TDRD9: variants seen among roughly 807,000 people sequenced by gnomAD.
The protein encoded by TDRD9 is tudor domain containing 9.
TDRD9 carries 124 observed loss-of-function variants against 172.6 expected under a neutral mutation model. The observed-to-expected ratio is 0.72, with a 90% CI of 0.62 to 0.83. The LOEUF (loss-of-function observed/expected upper bound fraction) is 0.83. Among genes scored for constraint, TDRD9 ranks in the 40% least tolerant of loss-of-function variants. TDRD9 has a pLI of 0.00. For missense variants in TDRD9, 1,479 were observed against 1,714.1 expected, an observed-to-expected ratio of 0.86 and a Z score of 2.42; for synonymous variants, 619 against 617.1, an observed-to-expected ratio of 1.00 and a Z score of -0.05.
intron 7 of TDRD9, among the ~76,000 whole-genome samples, chr14:103,979,874 T>C (rs1239537244): frequency 6.7e-6 from 1 of 150,356 alleles, no homozygotes; most frequent in African/African-American, 2.4e-5. Flanking sequence ...ATTTTCTGAC[T>C]CTTTTTTTTT....
At chr14:103,935,950 T>C (rs1405421837) in intron 1 of TDRD9, among the ~76,000 whole-genome samples, 3 of 152,136 alleles carry the variant, frequency 2.0e-5, no homozygotes, top group African/African-American at 7.2e-5. Context: ...TTTGAATGAA[T>C]GACCTAGGAG....
rs200021451 is a variant in TDRD9, at chr14:104,002,317, CAAA to C, written c.1484-1903_1484-1901del. Among the ~76,000 whole-genome samples the C allele has an allele frequency of 2.1e-3, 276 of 128,764 alleles. 1 individual carries two copies. The highest frequency in any genetic ancestry group is 7.6e-3 in the African/African-American group (268 of 35,042). The allele number at this position is 128,764 out of a possible 152,430, so 84.5% of individuals were successfully genotyped here. A position where few individuals can be genotyped will look rare whatever the true frequency, so the allele number is the denominator to read the frequency against. On this transcript the variant is annotated intron_variant, in intron 13 of 35. Coordinates refer to ENST00000409874, the MANE Select transcript of TDRD9 (RefSeq NM_153046.3). ...TGGGTGACAGAGTGAGATGCTGTTT[CAAA>C]AAAAAAAAAAAAAAAAAGAAAAAAA...
chr14:103,982,873 C>T (rs1034366306), intron 7 of TDRD9, among the ~76,000 whole-genome samples: 4 of 152,068 alleles, frequency 2.6e-5, no homozygotes, highest in Admixed American at 2.6e-4. Context: ...TGCACTCCAG[C>T]CTGGACAACA....
intron 7 of TDRD9, among the ~76,000 whole-genome samples, chr14:103,981,606 A>G (rs1234031030): frequency 6.6e-6 from 1 of 152,222 alleles, no homozygotes; most frequent in East Asian, 1.9e-4. Context: ...TTATGCCCTG[A>G]TAAAACCATT....
intron 30 of TDRD9, among the ~76,000 whole-genome samples, chr14:104,032,395 C>T (rs146863702): frequency 0.031 from 4,673 of 152,112 alleles, 154 homozygotes; most frequent in African/African-American, 0.083. Flanking sequence ...TTAGTACAGA[C>T]GGGGTTTCAC....
At chr14:103,930,400 C>G (rs1374017202) in intron 1 of TDRD9, among the ~76,000 whole-genome samples, 1 of 152,078 alleles carries the variant, frequency 6.6e-6, no homozygotes, top group Admixed American at 6.6e-5. Flanking sequence ...TTGGCCAGGT[C>G]GGTCTGACCT....
rs979961735 is a variant in TDRD9, at chr14:103,928,503, C to A, written c.-7C>A. The A allele has an allele frequency of 2.8e-6, 4 of 1,429,038 alleles. No homozygotes were observed. The African/African-American group carries it at 4.5e-5, about 16-fold the overall frequency. The allele number at this position is 1,429,038 out of a possible 1,614,324, so 88.5% of individuals were successfully genotyped here. A position where few individuals can be genotyped will look rare whatever the true frequency, so the allele number is the denominator to read the frequency against. On this transcript the variant is annotated 5_prime_UTR_variant, in exon 1 of 36. Transcript: ENST00000409874. Reference sequence around the variant, plus strand: ...AGTTGGGGGATGCCGACGCCTGGGCCTTGAGGATGCTGCGGAAGCTCACCA... The same window carrying A: ...AGTTGGGGGATGCCGACGCCTGGGCATTGAGGATGCTGCGGAAGCTCACCA...
At chr14:103,947,352 T>C (rs2031620656) in intron 1 of TDRD9, among the ~76,000 whole-genome samples, 1 of 152,008 alleles carries the variant, frequency 6.6e-6, no homozygotes, top group Non-Finnish European at 1.5e-5. Context: ...TTTTTTTAGA[T>C]GGAGTCTCTC....
Position 104,014,845 on chromosome 14 carries a change from T to C in TDRD9, c.2223+4T>C. ...TAAGCAGCGATTCATCCTACAGGTG[T>C]GCTGAAGTTTCCTGGATATTTTTTT... On this transcript the variant is annotated splice_donor_region_variant and intron_variant, in intron 21 of 35. Coordinates refer to ENST00000409874, the MANE Select transcript of TDRD9 (RefSeq NM_153046.3). The C allele has an allele frequency of 6.5e-7, 1 of 1,532,514 alleles. No homozygotes were observed. The allele number at this position is 1,532,514 out of a possible 1,614,324, so 94.9% of individuals were successfully genotyped here.
chr14:103,935,055 G>C (rs2152115568), intron 1 of TDRD9, among the ~76,000 whole-genome samples: 1 of 152,322 alleles, frequency 6.6e-6, no homozygotes, highest in Middle Eastern at 3.4e-3. Flanking sequence ...TGACCAAGAA[G>C]AAACTGTGTC....
chr14:104,024,190 A>G (rs2035045789), intron 24 of TDRD9, among the ~76,000 whole-genome samples: 1 of 152,198 alleles, frequency 6.6e-6, no homozygotes, highest in South Asian at 2.1e-4. Context: ...GTCAAGGTGC[A>G]CATTTGAAAA....
chr14:103,963,690 C>T (rs1234355954), intron 3 of TDRD9, among the ~76,000 whole-genome samples: 2 of 152,134 alleles, frequency 1.3e-5, no homozygotes, highest in African/African-American at 2.4e-5. Flanking sequence ...TAATTACTTG[C>T]GTGTTATTAA....
intron 35 of TDRD9, among the ~76,000 whole-genome samples, chr14:104,050,352 G>T (rs2035904071): frequency 6.6e-6 from 1 of 152,130 alleles, no homozygotes; most frequent in Non-Finnish European, 1.5e-5. Flanking sequence ...GGGGGTTCGG[G>T]CTTCAGTGAA....
intron 20 of TDRD9, among the ~76,000 whole-genome samples, chr14:104,011,037 C>T (rs1469718749): frequency 6.6e-6 from 1 of 152,166 alleles, no homozygotes; most frequent in Admixed American, 6.5e-5. Flanking sequence ...CGTGAGTAAA[C>T]GTGTTGCCCT....
chr14:104,021,233 A>C (rs1005697638), intron 23 of TDRD9, among the ~76,000 whole-genome samples: 1 of 152,162 alleles, frequency 6.6e-6, no homozygotes, highest in Admixed American at 6.5e-5. Context: ...ACTCACAAGA[A>C]CAGCAAGGGG....
Position 104,052,150 on chromosome 14 carries a change from C to T in TDRD9, c.*68C>T, listed in dbSNP as rs1180243557. The T allele has an allele frequency of 1.5e-5, 16 of 1,095,108 alleles. No homozygotes were observed. Among genetic ancestry groups the T allele is most frequent in the African/African-American group, 4.7e-5 (3 of 64,410 alleles). The allele number at this position is 1,095,108 out of a possible 1,614,324, so 67.8% of individuals were successfully genotyped here. ...TGGAGGCTGGATTCCAGGCTCCCTC[C>T]GCAGACTGACTTTCCTCTGTGTCTG... is the stretch of plus-strand genomic sequence containing the variant. On this transcript the variant is annotated 3_prime_UTR_variant, in exon 36 of 36. Transcript: ENST00000409874.
intron 7 of TDRD9, among the ~76,000 whole-genome samples, chr14:103,981,722 C>T (rs2033480074): frequency 2.6e-5 from 4 of 152,112 alleles, no homozygotes. Flanking sequence ...GGCAAAATCA[C>T]CAAATACAAG....
At chr14:104,021,643 A>G (rs2034958558) in intron 23 of TDRD9, among the ~76,000 whole-genome samples, 1 of 152,196 alleles carries the variant, frequency 6.6e-6, no homozygotes, top group Non-Finnish European at 1.5e-5. Flanking sequence ...CAGTGAGCCA[A>G]GATGACATCC....
chr14:104,021,262 C>T (rs577831468), intron 23 of TDRD9, among the ~76,000 whole-genome samples: 15 of 152,244 alleles, frequency 9.9e-5, no homozygotes, highest in African/African-American at 3.4e-4. Context: ...GCTCACAATC[C>T]GGTCACCTCC....
Sources: allele counts gnomAD v4.1 joint callset (sites outside exome capture counted in the v4.1 genomes callset), GRCh38; gene constraint gnomAD v4.1.1; transcripts MANE v1.5; gene names NCBI Gene and HGNC (gene_info 2026-07-23, HGNC 2026-07-21).